ATR: variants seen among roughly 807,000 people sequenced by gnomAD.
ATR encodes the protein ATR checkpoint kinase, also known as serine/threonine-protein kinase ATR.
ATR carries 142 observed loss-of-function variants against 305.3 expected under a neutral mutation model. That is an observed-to-expected ratio of 0.47 (90% CI 0.41 to 0.53). The LOEUF (loss-of-function observed/expected upper bound fraction) is 0.53. Ranked by LOEUF, ATR falls within the 20% of genes least tolerant of loss-of-function variation. ATR has a pLI of 0.00. For missense variants in ATR, 2,135 were observed against 3,133.1 expected (o/e 0.68, Z 7.60); for synonymous variants, 1,050 against 1,068.1 (o/e 0.98, Z 0.33).
chr3:142,545,626 T>C (rs1177089874), intron 16 of ATR, among the ~76,000 whole-genome samples: 1 of 151,966 alleles, frequency 6.6e-6, no homozygotes, highest in Admixed American at 6.6e-5. Flanking sequence ...GTGTAAATAA[T>C]TAATTGTAGA....
chr3:142,517,048 C>A (rs2032899236), intron 24 of ATR, among the ~76,000 whole-genome samples: 1 of 147,280 alleles, frequency 6.8e-6, no homozygotes, highest in African/African-American at 2.5e-5. Context: ...GTTGAAAAAT[C>A]CAATAATCTC....
chr3:142,547,001 C>A (rs1164254622), intron 16 of ATR, among the ~76,000 whole-genome samples: 1 of 152,094 alleles, frequency 6.6e-6, no homozygotes, highest in Middle Eastern at 3.2e-3. Flanking sequence ...AAGGTCATCA[C>A]CAAAGTCTGA....
chr3:142,531,618 G>A (rs899092706), intron 21 of ATR, among the ~76,000 whole-genome samples: 2 of 152,146 alleles, frequency 1.3e-5, no homozygotes, highest in African/African-American at 4.8e-5. Context: ...GTATTCCATG[G>A]GGTATATGTG....
chr3:142,489,189 C>G (rs1212007604), intron 35 of ATR, among the ~76,000 whole-genome samples: 1 of 152,006 alleles, frequency 6.6e-6, no homozygotes, highest in Non-Finnish European at 1.5e-5. Flanking sequence ...AAAAAATTAG[C>G]TGGGTGTGGT....
chr3:142,558,561 G>T, intron 8 of ATR, 63 bp downstream of exon 8: 1 of 1,046,080 alleles, frequency 9.6e-7, no homozygotes, highest in Non-Finnish European at 1.3e-6. Flanking sequence ...TAAATAAATA[G>T]ATAGATAGAT....
Position 142,562,290 on chromosome 3 carries a change from T to C in ATR, c.1112A>G (p.Tyr371Cys). Residue 371 changes from tyrosine (Y) to cysteine (C), a missense_variant, in exon 4 of 47, where the codon TAT (tyrosine) becomes TGT (cysteine). Physicochemically the swap from Tyr to Cys is radical, Grantham distance 194 (BLOSUM62 -2). Around this residue, in one of 9 missense-constraint regions of ATR, gnomAD observed 744 missense variants for 873.2 expected, o/e 0.85. Coordinates refer to ENST00000350721, the MANE Select transcript of ATR (RefSeq NM_001184.4). ...AAGAGCTTTACAAATATTTCTCACA[T>C]AGACCTTCCTGACTTGTAAAGCAGA... The part of the protein sequence containing the change: ...YESALQVRKV[Y>C]VRNICKALLD... 1.9e-6 allele frequency: 3 copies of C among 1,614,120 alleles called. No individual in the cohort carries two copies. Among genetic ancestry groups the C allele is most frequent in the Non-Finnish European group, 1.7e-6 (2 of 1,179,982 alleles).
At chr3:142,478,942 G>A (rs1017484567) in intron 36 of ATR, among the ~76,000 whole-genome samples, 10 of 151,918 alleles carry the variant, frequency 6.6e-5, no homozygotes, top group African/African-American at 2.4e-4. Flanking sequence ...CATTTGCTTG[G>A]TAGATCTTCC....
At chr3:142,540,862 T>C in intron 18 of ATR, 42 bp downstream of exon 18, 6 of 1,521,972 alleles carry the variant, frequency 3.9e-6, no homozygotes, top group Non-Finnish European at 5.3e-6. Flanking sequence ...TACTGGAAAA[T>C]GCAAAAAAAA....
chr3:142,502,289 A>G (rs1413870780), intron 30 of ATR, among the ~76,000 whole-genome samples: 3 of 152,236 alleles, frequency 2.0e-5, no homozygotes, highest in Non-Finnish European at 4.4e-5. Flanking sequence ...AGCACTATTC[A>G]TAATAGCAAA....
At chr3:142,494,377 T>G (rs947915609) in intron 34 of ATR, among the ~76,000 whole-genome samples, 5 of 152,158 alleles carry the variant, frequency 3.3e-5, no homozygotes, top group Non-Finnish European at 7.4e-5. Context: ...ATAAAAAAAG[T>G]TCATAGTCAC....
chr3:142,538,501 A>G lies in ATR; in HGVS notation c.3706T>C (p.Tyr1236His), dbSNP rs778510533. ...CAATACCTGTTTTCAATTATGAGGT[A>G]GTGGAAGATAGCTGCAGTTTCTTTA... ...QPKETAAIFH[Y>H]LIIENRDAVQ... Residue 1236 changes from tyrosine (Y) to histidine (H), a missense_variant, in exon 19 of 47, where the codon TAC becomes CAC. Around this residue, in one of 9 missense-constraint regions of ATR, gnomAD observed 530 missense variants for 766.8 expected, o/e 0.69. Transcript: ENST00000350721. The G allele has an allele frequency of 2.5e-6, 4 of 1,612,640 alleles. No homozygotes were observed. In the Admixed American group the frequency reaches 6.7e-5, roughly 27 times the overall value.
In ATR at chr3:142,513,353, A is replaced by G. The variant is rs2032677648; in HGVS notation, c.4641+148T>C. 5.4e-6 allele frequency: 5 copies of G among 921,440 alleles called. No individual in the cohort carries two copies. In the East Asian group the frequency reaches 1.3e-4, roughly 24 times the overall value. The allele number at this position is 921,440 out of a possible 1,614,324, so 57.1% of individuals were successfully genotyped here. A position where few individuals can be genotyped will look rare whatever the true frequency, so the allele number is the denominator to read the frequency against. On this transcript the variant is annotated intron_variant, in intron 26 of 46. Coordinates refer to ENST00000350721, the MANE Select transcript of ATR (RefSeq NM_001184.4). ...ACGTCTATCAATTAAAGGGATACAC[A>G]CACCAAACAGGCAAAGATATGTAAA...
intron 1 of ATR, among the ~76,000 whole-genome samples, chr3:142,576,074 A>G (rs1560011510): frequency 6.6e-6 from 1 of 152,248 alleles, no homozygotes; most frequent in Non-Finnish European, 1.5e-5. Context: ...AGGTTACTGT[A>G]ATAGTTCAGG....
chr3:142,475,247 C>A (rs565562843), intron 36 of ATR, among the ~76,000 whole-genome samples: 1 of 152,142 alleles, frequency 6.6e-6, no homozygotes, highest in Non-Finnish European at 1.5e-5. Flanking sequence ...ATCCCTCCCC[C>A]AGCCCCTCAC....
chr3:142,574,799 C>T (rs1313565596), intron 1 of ATR, among the ~76,000 whole-genome samples: 3 of 152,062 alleles, frequency 2.0e-5, no homozygotes, highest in Middle Eastern at 3.2e-3. Flanking sequence ...GCTTCCTTAA[C>T]GAGGTGATAC....
Position 142,465,187 on chromosome 3 carries a change from T to G in ATR, c.6951A>C (p.Ser2317=). ...ACATCATGATGTAGAACTTTCCATC[T>G]GAGCCTTTTAAAGAAATCTTCTTTG... The part of the protein sequence containing the change: ...QKPKKISLKG[S]DGKFYIMMCK... The change falls in exon 41 of 47, where the codon TCA becomes TCC. Residue 2317 remains serine, a synonymous_variant. Coordinates refer to ENST00000350721, the MANE Select transcript of ATR (RefSeq NM_001184.4). 3.1e-6 allele frequency: 5 copies of G among 1,610,110 alleles called. No homozygotes were observed. Among genetic ancestry groups the G allele is most frequent in the Non-Finnish European group, 4.2e-6 (5 of 1,177,080 alleles).
intron 36 of ATR, among the ~76,000 whole-genome samples, chr3:142,481,947 C>T (rs900998842): frequency 6.6e-6 from 1 of 152,014 alleles, no homozygotes; most frequent in African/African-American, 2.4e-5. Context: ...CTTAGCTTCC[C>T]TTGTAGCTGG....
intron 21 of ATR, among the ~76,000 whole-genome samples, chr3:142,526,334 T>G (rs965857057): frequency 6.6e-6 from 1 of 152,140 alleles, no homozygotes; most frequent in Non-Finnish European, 1.5e-5. Context: ...ATGTCTCTGA[T>G]TATCATATCA....
At position 142,472,978 on chromosome 3, in the gene ATR, C is replaced by G. The variant is rs180679232; in HGVS notation, c.6222-2795G>C. Among the ~76,000 whole-genome samples, 81 of 152,180 alleles carry G rather than the reference C, an allele frequency of 5.3e-4. 1 individual carries two copies. The highest frequency in any genetic ancestry group is 1.9e-3 in the African/African-American group (78 of 41,532). ...TCTTACTATTAAGTTGTTTGAGTTC[C>G]TTACCTATTTTGGCTATTAACCCCC... On this transcript the variant is annotated intron_variant, in intron 36 of 46. Coordinates refer to ENST00000350721, the MANE Select transcript of ATR (RefSeq NM_001184.4).
Sources: allele counts gnomAD v4.1 joint callset (sites outside exome capture counted in the v4.1 genomes callset), GRCh38; gene constraint gnomAD v4.1.1; regional missense constraint gnomAD v4.1.1; transcripts MANE v1.5; gene names NCBI Gene and HGNC (gene_info 2026-07-23, HGNC 2026-07-21).